Variants in ZNRF2 observed in about 807,000 individuals in gnomAD.
ZNRF2 encodes E3 ubiquitin-protein ligase ZNRF2.
ZNRF2 carries 16 observed loss-of-function variants against 20.4 expected under a neutral mutation model. That is an observed-to-expected ratio of 0.79 (90% CI 0.53 to 1.19). ZNRF2 has a LOEUF of 1.19. ZNRF2 is among the 50% of genes most tolerant of loss of function. The pLI, the probability that ZNRF2 is intolerant of heterozygous loss-of-function variation, is 0.00. For synonymous variants in ZNRF2, 178 were observed against 144.9 expected, an observed-to-expected ratio of 1.23 and a Z score of -1.64; for missense variants, 363 against 332.4, an observed-to-expected ratio of 1.09 and a Z score of -0.72.
chr7:30,285,428 C>T lies in ZNRF2; in HGVS notation c.71C>T (p.Pro24Leu). ...RTRAYSGSDL[P>L]SSSSGGANGT... ...CGCGCGTACTCGGGCTCGGATCTACCTTCCAGTAGCAGCGGAGGCGCCAAT... is the reference window on the plus strand; with the variant it reads ...CGCGCGTACTCGGGCTCGGATCTACTTTCCAGTAGCAGCGGAGGCGCCAAT... Residue 24 changes from proline (P) to leucine (L), a missense_variant, in exon 1 of 5, where the codon CCT becomes CTT. Pro to Leu is a moderately conservative substitution (Grantham distance 98, BLOSUM62 -3). Coordinates refer to ENST00000323037, the MANE Select transcript of ZNRF2 (RefSeq NM_147128.4). 1 of 1,214,138 alleles carries T rather than the reference C, an allele frequency of 8.2e-7. No homozygotes were observed. Among genetic ancestry groups the T allele is most frequent in the East Asian group, 5.3e-5 (1 of 18,894 alleles). The allele number at this position is 1,214,138 out of a possible 1,614,324, so 75.2% of individuals were successfully genotyped here. A position where few individuals can be genotyped will look rare whatever the true frequency, so the allele number is the denominator to read the frequency against.
At position 30,355,946 on chromosome 7, in the gene ZNRF2, C is replaced by G. The variant is rs543523361; in HGVS notation, c.671+113C>G. On this transcript the variant is annotated intron_variant, in intron 3 of 4. Transcript: ENST00000323037. ...AACCACCCCCTCCCTGTCTCACACA[C>G]ACTTCTTAAAACTTAATGATCTTTT... 5.9e-5 allele frequency: 39 copies of G among 661,048 alleles called. No homozygotes were observed. The South Asian group carries it at 7.9e-4, about 13-fold the overall frequency. 40.9% of individuals were successfully genotyped at this position (661,048 alleles called of 1,614,324 possible).
rs1380906156 is a variant in ZNRF2 at position 30,323,718 on chromosome 7, G to A, written c.546G>A (p.Lys182=). 1.3e-6 allele frequency: 2 copies of A among 1,591,766 alleles called. No homozygotes were observed. The highest frequency in any genetic ancestry group is 2.3e-5 in the East Asian group (1 of 43,538). The change falls in exon 2 of 5, where the codon AAG becomes AAA. Residue 182 remains lysine (K), a synonymous_variant. Coordinates refer to ENST00000323037, the MANE Select transcript of ZNRF2 (RefSeq NM_147128.4). ...MDLHLVMCLT[K]PRITYNEDVL... is the part of the protein sequence containing the mutation. ...TGCATCTTGTAATGTGTTTAACAAA[G>A]CCACGAATAACCTATAATGGTAAGT...
intron 2 of ZNRF2, among the ~76,000 whole-genome samples, chr7:30,326,434 A>G (rs1023590931): frequency 2.6e-5 from 4 of 152,176 alleles, no homozygotes; most frequent in African/African-American, 9.7e-5. Context: ...AATGGCCTCC[A>G]GCTCCATCCA....
intron 2 of ZNRF2, among the ~76,000 whole-genome samples, chr7:30,340,191 A>C (rs959470661): frequency 6.6e-5 from 10 of 152,144 alleles, no homozygotes; most frequent in Non-Finnish European, 1.3e-4. Context: ...TGTCATCTGC[A>C]AGCAGAGACA....
chr7:30,302,039 T>TA (rs1165484841), intron 1 of ZNRF2, among the ~76,000 whole-genome samples: 5 of 152,226 alleles, frequency 3.3e-5, no homozygotes, highest in East Asian at 1.9e-4. Flanking sequence ...AGAACACTGA[T>TA]ACGCTTACTT....
rs897814682 is a variant in ZNRF2, at chr7:30,285,691, G to A, written c.334G>A (p.Gly112Ser). The change falls in exon 1 of 5, where the codon GGC becomes AGC. Residue 112 changes from glycine to serine, a missense_variant. Coordinates refer to ENST00000323037, the MANE Select transcript of ZNRF2 (RefSeq NM_147128.4). ...CCCGAACAGCAGCAGCGGCCCGTAC[G>A]GCTCGCAGGACTCGGTGCACAGCAG... ...SIPNSSSGPY[G>S]SQDSVHSSPE... is the part of the protein sequence containing the mutation. 2.1e-6 allele frequency: 3 copies of A among 1,460,724 alleles called. No individual in the cohort carries two copies. Among genetic ancestry groups the A allele is most frequent in the Admixed American group, 5.4e-5 (2 of 37,080 alleles). 90.5% of individuals were successfully genotyped at this position (1,460,724 alleles called of 1,614,324 possible). A position where few individuals can be genotyped will look rare whatever the true frequency, so the allele number is the denominator to read the frequency against.
intron 4 of ZNRF2, among the ~76,000 whole-genome samples, chr7:30,365,752 A>G (rs533180923): frequency 2.4e-4 from 36 of 152,286 alleles, no homozygotes; most frequent in African/African-American, 8.4e-4. Flanking sequence ...TGTGGTCTTG[A>G]TTAGTTAGAA....
chr7:30,330,246 T>C (rs1799617082), intron 2 of ZNRF2, among the ~76,000 whole-genome samples: 1 of 152,208 alleles, frequency 6.6e-6, no homozygotes, highest in Non-Finnish European at 1.5e-5. Context: ...TAAAGTTGTC[T>C]TCTGGGAGTT....
intron 3 of ZNRF2, among the ~76,000 whole-genome samples, chr7:30,357,422 T>G (rs1205232063): frequency 6.6e-6 from 1 of 152,150 alleles, no homozygotes; most frequent in Non-Finnish European, 1.5e-5. Flanking sequence ...AAGGAAATAC[T>G]CAGAACTGAA....
intron 2 of ZNRF2, among the ~76,000 whole-genome samples, chr7:30,349,113 T>A (rs1799922873): frequency 1.3e-5 from 2 of 152,228 alleles, no homozygotes; most frequent in Non-Finnish European, 2.9e-5. Context: ...AAATTTTGTT[T>A]ACAATCAGCT....
At chr7:30,318,963 T>G (rs1017386424) in intron 1 of ZNRF2, among the ~76,000 whole-genome samples, 4 of 151,950 alleles carry the variant, frequency 2.6e-5, no homozygotes, top group Non-Finnish European at 4.4e-5. Flanking sequence ...AATACAAAAA[T>G]TAGCTGGGTG....
At chr7:30,286,363 T>C (rs1798789616) in intron 1 of ZNRF2, among the ~76,000 whole-genome samples, 1 of 152,238 alleles carries the variant, frequency 6.6e-6, no homozygotes, top group Non-Finnish European at 1.5e-5. Flanking sequence ...TTTAATTGGA[T>C]GAATGCGTTA....
chr7:30,339,027 G>A (rs1363721320), intron 2 of ZNRF2, among the ~76,000 whole-genome samples: 1 of 152,218 alleles, frequency 6.6e-6, no homozygotes, highest in African/African-American at 2.4e-5. Flanking sequence ...GACCAGTGAT[G>A]ATGAGCTTTC....
Position 30,355,985 on chromosome 7 carries a change from C to A in ZNRF2, c.671+152C>A, listed in dbSNP as rs147532069. The A allele has an allele frequency of 5.6e-4, 313 of 562,896 alleles. 5 individuals carry two copies. The East Asian group carries it at 8.8e-3, about 16-fold the overall frequency. The allele number at this position is 562,896 out of a possible 1,614,324, so 34.9% of individuals were successfully genotyped here. A position where few individuals can be genotyped will look rare whatever the true frequency, so the allele number is the denominator to read the frequency against. ...TAATGATCTTTTTTCTCTATTTGAA[C>A]TAAGACTTGAACCCACATCTGTTTG... On this transcript the variant is annotated intron_variant, in intron 3 of 4. Coordinates refer to ENST00000323037, the MANE Select transcript of ZNRF2 (RefSeq NM_147128.4).
chr7:30,318,855 C>T (rs112527213), intron 1 of ZNRF2, among the ~76,000 whole-genome samples: 10,035 of 152,140 alleles, frequency 0.066, 967 homozygotes, highest in African/African-American at 0.21. Context: ...CTCACGCCTG[C>T]AATCCCAGCA....
In ZNRF2 at chr7:30,366,651, A is replaced by G. The variant is rs965895661; in HGVS notation, c.*639A>G. The G allele has an allele frequency of 1.3e-5, 2 of 152,584 alleles. No homozygotes were observed. 9.5% of individuals were successfully genotyped at this position (152,584 alleles called of 1,614,324 possible). A position where few individuals can be genotyped will look rare whatever the true frequency, so the allele number is the denominator to read the frequency against. ...CTACATAGGAAAGCTAAAATATGTT[A>G]ATATTTTTAAATTAAAGGTTTAATA... On this transcript the variant is annotated 3_prime_UTR_variant, in exon 5 of 5. Coordinates refer to ENST00000323037, the MANE Select transcript of ZNRF2 (RefSeq NM_147128.4).
At chr7:30,310,293 C>T (rs528561541) in intron 1 of ZNRF2, among the ~76,000 whole-genome samples, 1 of 152,318 alleles carries the variant, frequency 6.6e-6, no homozygotes, top group East Asian at 1.9e-4. Context: ...TGGCAGCTTA[C>T]AGATGAGTTT....
chr7:30,301,715 A>G (rs865797621), intron 1 of ZNRF2, among the ~76,000 whole-genome samples: 2 of 151,692 alleles, frequency 1.3e-5, no homozygotes, highest in African/African-American at 4.8e-5. Context: ...AAAAAAAAAA[A>G]AAAAAAAACT....
intron 3 of ZNRF2, 30 bp from the exon 4 acceptor site, chr7:30,362,347 C>A: frequency 6.6e-7 from 1 of 1,507,408 alleles, no homozygotes; most frequent in Non-Finnish European, 9.0e-7. Flanking sequence ...GTATAAGTAT[C>A]TCAATTTTTC....
Sources: allele counts gnomAD v4.1 joint callset (sites outside exome capture counted in the v4.1 genomes callset), GRCh38; gene constraint gnomAD v4.1.1; transcripts MANE v1.5; gene names NCBI Gene and HGNC (gene_info 2026-07-23, HGNC 2026-07-21).